The following ELOVL6 variants were observed in gnomAD, a reference collection of about 807,000 sequenced individuals.
The protein encoded by ELOVL6 is very long chain fatty acid elongase 6.
Under a neutral mutation model 31.7 loss-of-function variants are expected in ELOVL6, and 8 were observed. The observed-to-expected ratio is 0.25, with a 90% CI of 0.15 to 0.45. The LOEUF is 0.45. Among genes scored for constraint, ELOVL6 ranks in the 20% least tolerant of loss-of-function variants. ELOVL6 has a pLI of 1.00. For missense variants in ELOVL6, 126 were observed against 326.4 expected (o/e 0.39, Z 4.73); for synonymous variants, 101 against 117.7 (o/e 0.86, Z 0.92).
intron 1 of ELOVL6, chr4:110,117,947 G>A (rs1757234913): frequency 6.0e-5 from 4 of 66,400 alleles, no homozygotes; most frequent in Non-Finnish European, 9.1e-5. Flanking sequence ...GGAGAAAAAG[G>A]AATAATCTTT....
chr4:110,150,895 T>G (rs1328505480), intron 1 of ELOVL6, among the ~76,000 whole-genome samples: 1 of 152,000 alleles, frequency 6.6e-6, no homozygotes, highest in East Asian at 1.9e-4. Flanking sequence ...ATACAAAAAT[T>G]AGCCAGACGT....
At chr4:110,186,090 T>C (rs1759429579) in intron 1 of ELOVL6, among the ~76,000 whole-genome samples, 1 of 152,034 alleles carries the variant, frequency 6.6e-6, no homozygotes, top group African/African-American at 2.4e-5. Flanking sequence ...CTCAGGAGGC[T>C]GAGGCAGAAG....
At chr4:110,152,128 C>A (rs1376877185) in intron 1 of ELOVL6, among the ~76,000 whole-genome samples, 1 of 152,068 alleles carries the variant, frequency 6.6e-6, no homozygotes, top group Admixed American at 6.5e-5. Flanking sequence ...TGGCTCTTGG[C>A]CCTCCCATAT....
intron 1 of ELOVL6, among the ~76,000 whole-genome samples, chr4:110,194,307 C>T (rs528852689): frequency 6.6e-6 from 1 of 152,148 alleles, no homozygotes; most frequent in African/African-American, 2.4e-5. Context: ...CCTATTTGGA[C>T]CTATGAGCAG....
At chr4:110,099,473 A>G (rs1756681383) in intron 2 of ELOVL6, among the ~76,000 whole-genome samples, 1 of 152,236 alleles carries the variant, frequency 6.6e-6, no homozygotes, top group African/African-American at 2.4e-5. Context: ...GTCAAACTAT[A>G]AAGTGTAGAA....
intron 1 of ELOVL6, among the ~76,000 whole-genome samples, chr4:110,164,072 G>A (rs1190182031): frequency 6.6e-6 from 1 of 152,192 alleles, no homozygotes; most frequent in Non-Finnish European, 1.5e-5. Flanking sequence ...GCCAGTAAAA[G>A]CTACTTTTCA....
At chr4:110,120,591 C>A (rs183108562) in intron 1 of ELOVL6, among the ~76,000 whole-genome samples, 1 of 152,034 alleles carries the variant, frequency 6.6e-6, no homozygotes, top group South Asian at 2.1e-4. Flanking sequence ...TTCCAGGCCA[C>A]GAAATTAAAA....
chr4:110,169,845 G>A (rs141492757), intron 1 of ELOVL6, among the ~76,000 whole-genome samples: 4,555 of 105,090 alleles, frequency 0.043, 81 homozygotes, highest in Middle Eastern at 0.13. Context: ...CCCTCTTGTT[G>A]CCCAGGCTGA....
At chr4:110,085,730 AC>A (rs947210548) in intron 2 of ELOVL6, among the ~76,000 whole-genome samples, 1 of 152,254 alleles carries the variant, frequency 6.6e-6, no homozygotes, top group African/African-American at 2.4e-5. Flanking sequence ...CAGAGGCTCT[AC>A]TTTTTTTGGA....
At chr4:110,160,857 AT>A (rs779268833) in intron 1 of ELOVL6, among the ~76,000 whole-genome samples, 11 of 152,246 alleles carry the variant, frequency 7.2e-5, no homozygotes, top group Non-Finnish European at 1.6e-4. Context: ...GAATGCAAGC[AT>A]CTCACACACT....
intron 2 of ELOVL6, among the ~76,000 whole-genome samples, chr4:110,083,743 T>C (rs777959591): frequency 6.6e-6 from 1 of 150,716 alleles, no homozygotes; most frequent in African/African-American, 2.5e-5. Context: ...AAAAATATAT[T>C]GTGTCCCGCA....
At chr4:110,084,244 ATATATATAACATATAG>A (rs1560814717) in intron 2 of ELOVL6, among the ~76,000 whole-genome samples, 4 of 108,954 alleles carry the variant, frequency 3.7e-5, no homozygotes, top group African/African-American at 1.6e-4. Flanking sequence ...AACATATATG[ATATATATAACATATAG>A]CTTATATGTG....
chr4:110,085,239 G>C (rs1174004608), intron 2 of ELOVL6, among the ~76,000 whole-genome samples: 1 of 152,218 alleles, frequency 6.6e-6, no homozygotes, highest in Admixed American at 6.5e-5. Flanking sequence ...TCACAGGAGA[G>C]GGATGAGAGG....
Position 110,067,161 on chromosome 4 carries a change from C to T in ELOVL6, c.222-7407G>A, listed in dbSNP as rs575324615. ...TGTAATTTTTCTGATAGTTTTCTTC[C>T]TCTACTACTTAACACTTCAGAGTGT... On this transcript the variant is annotated intron_variant, in intron 2 of 3. Transcript: ENST00000302274. 8.5e-5 allele frequency among the ~76,000 whole-genome samples: 13 copies of T among 152,240 alleles called. No individual in the cohort carries two copies. In the South Asian group the frequency reaches 2.7e-3, roughly 32 times the overall value.
chr4:110,054,421 A>G (rs939859286), intron 3 of ELOVL6, among the ~76,000 whole-genome samples: 1 of 152,224 alleles, frequency 6.6e-6, no homozygotes, highest in Non-Finnish European at 1.5e-5. Context: ...ACAATAACGC[A>G]GACACAATCA....
intron 1 of ELOVL6, among the ~76,000 whole-genome samples, chr4:110,127,331 C>T (rs1399197827): frequency 1.1e-4 from 16 of 142,362 alleles, no homozygotes; most frequent in African/African-American, 3.7e-4. Context: ...CACTTGAACC[C>T]GGGAGGCAGA....
chr4:110,191,842 C>G (rs1266021327), intron 1 of ELOVL6, among the ~76,000 whole-genome samples: 4 of 151,778 alleles, frequency 2.6e-5, no homozygotes, highest in Admixed American at 2.6e-4. Flanking sequence ...TGTATATCCC[C>G]CTAAGTATTT....
At chr4:110,157,041 A>AT (rs1441966898) in intron 1 of ELOVL6, among the ~76,000 whole-genome samples, 2 of 152,196 alleles carry the variant, frequency 1.3e-5, no homozygotes, top group African/African-American at 4.8e-5. Context: ...CTGATTAATC[A>AT]TTTTTGGCAG....
intron 1 of ELOVL6, among the ~76,000 whole-genome samples, chr4:110,171,584 G>C (rs1758946684): frequency 6.6e-6 from 1 of 151,870 alleles, no homozygotes; most frequent in Non-Finnish European, 1.5e-5. Flanking sequence ...GAGGTTACTG[G>C]AGGGTGGTGC....
Sources: allele counts gnomAD v4.1 joint callset (sites outside exome capture counted in the v4.1 genomes callset), GRCh38; gene constraint gnomAD v4.1.1; transcripts MANE v1.5; gene names NCBI Gene and HGNC (gene_info 2026-07-23, HGNC 2026-07-21).